NLRP12: variants seen among roughly 807,000 people sequenced by gnomAD.
NLRP12 encodes the protein NACHT, LRR and PYD domains-containing protein 12.
A neutral mutation model predicts 91.2 loss-of-function variants in NLRP12; 108 were observed. The observed-to-expected ratio is 1.18, with a 90% CI of 1.01 to 1.39. The LOEUF (loss-of-function observed/expected upper bound fraction) is 1.39. Ranked by LOEUF, NLRP12 falls within the 40% of genes most tolerant of loss-of-function variation. The pLI, the probability that NLRP12 is intolerant of heterozygous loss-of-function variation, is 0.00. For missense variants in NLRP12, 1,530 were observed against 1,352.7 expected, an observed-to-expected ratio of 1.13 and a Z score of -2.06; for synonymous variants, 613 against 566.7, an observed-to-expected ratio of 1.08 and a Z score of -1.16.
chr19:53,806,713 C>T (rs1171887551), intron 4 of NLRP12, among the ~76,000 whole-genome samples: 1 of 134,042 alleles, frequency 7.5e-6, no homozygotes, highest in African/African-American at 2.8e-5. Flanking sequence ...AAGAAATTAG[C>T]CGGGTGTGGT....
chr19:53,801,102 A>G lies in NLRP12; in HGVS notation c.2756+125T>C, dbSNP rs1288796771. ...CAGCTACTTGGGAGTCTCAAAAAAA[A>G]AAAAAAAAGGCTGATGTAGTAGCTA... is the stretch of plus-strand genomic sequence containing the variant. On this transcript the variant is annotated intron_variant, in intron 7 of 9. Coordinates refer to ENST00000324134, the MANE Select transcript of NLRP12 (RefSeq NM_144687.4). 4.5e-6 allele frequency: 4 copies of G among 889,028 alleles called. No individual in the cohort carries two copies. In the Admixed American group the frequency reaches 1.0e-4, roughly 22 times the overall value. 55.1% of individuals were successfully genotyped at this position (889,028 alleles called of 1,614,324 possible).
rs777101095 is a variant in NLRP12 at position 53,807,654 on chromosome 19, G to C, written c.2084C>G (p.Thr695Ser). Residue 695 changes from threonine (T) to serine (S), a missense_variant, in exon 4 of 10, where the codon ACC becomes AGC. Transcript: ENST00000324134. ...HTLLVQLPER[T>S]VLLDAYSEHL... ...TTCACTGTAGGCGTCCAGCAGAACGGTCCTCTCTGGTCTGCTTGAAGGAAA... is the reference window on the plus strand; with the variant it reads ...TTCACTGTAGGCGTCCAGCAGAACGCTCCTCTCTGGTCTGCTTGAAGGAAA... The C allele has an allele frequency of 1.2e-6, 2 of 1,614,144 alleles. No individual in the cohort carries two copies. The highest frequency in any genetic ancestry group is 1.6e-4 in the Middle Eastern group (1 of 6,062).
At chr19:53,804,363 TTTTG>T (rs550344638) in intron 5 of NLRP12, among the ~76,000 whole-genome samples, 126 of 151,218 alleles carry the variant, frequency 8.3e-4, no homozygotes, top group African/African-American at 8.5e-4. Flanking sequence ...GCCTAATTTT[TTTTG>T]TTTGTTTGTT....
At position 53,819,664 on chromosome 19, in the gene NLRP12, TATAC is replaced by T. The variant is rs1162619506; in HGVS notation, c.289+4218_289+4221del. On this transcript the variant is annotated intron_variant, in intron 1 of 9. Transcript: ENST00000324134. ...ATGTATACGTATATATATACACATGTATACATATATGTATGTATACATATATATA... is the reference window on the plus strand; with the variant it reads ...ATGTATACGTATATATATACACATGTATATATGTATGTATACATATATATA... Among the ~76,000 whole-genome samples, 275 of 32,908 alleles carry T rather than the reference TATAC, an allele frequency of 8.4e-3. 26 individuals carry two copies. The highest frequency in any genetic ancestry group is 0.024 in the African/African-American group (259 of 10,804). The allele number at this position is 32,908 out of a possible 152,430, so 21.6% of individuals were successfully genotyped here.
chr19:53,805,473 G>T, intron 4 of NLRP12, 23 bp from the exon 5 acceptor site: 2 of 1,612,544 alleles, frequency 1.2e-6, no homozygotes, highest in Non-Finnish European at 1.7e-6. Context: ...AGAGGAGAAA[G>T]GAGCTGGTCA....
At chr19:53,801,747 G>T (rs927498079) in intron 6 of NLRP12, among the ~76,000 whole-genome samples, 1 of 151,734 alleles carries the variant, frequency 6.6e-6, no homozygotes, top group Non-Finnish European at 1.5e-5. Context: ...GAGCCACTGC[G>T]CCTAGGCCCC....
intron 3 of NLRP12, chr19:53,807,875 A>G: frequency 1.8e-6 from 1 of 550,130 alleles, no homozygotes; most frequent in Non-Finnish European, 3.4e-6. Context: ...CTCAGCCTCC[A>G]GAGTAGCTGG....
chr19:53,819,596 T>C lies in NLRP12; in HGVS notation c.289+4290A>G, dbSNP rs368930597. 2.6e-3 allele frequency among the ~76,000 whole-genome samples: 138 copies of C among 52,320 alleles called. 21 individuals are homozygous for C. Among genetic ancestry groups the C allele is most frequent in the Middle Eastern group, 8.8e-3 (1 of 114 alleles). The allele number at this position is 52,320 out of a possible 152,430, so 34.3% of individuals were successfully genotyped here. A position where few individuals can be genotyped will look rare whatever the true frequency, so the allele number is the denominator to read the frequency against. On this transcript the variant is annotated intron_variant, in intron 1 of 9. Coordinates refer to ENST00000324134, the MANE Select transcript of NLRP12 (RefSeq NM_144687.4). ...GCGTATATATGTATGTATACGTATATACGCATATATATGTATGTATACGTA... is the reference window on the plus strand; with the variant it reads ...GCGTATATATGTATGTATACGTATACACGCATATATATGTATGTATACGTA...
chr19:53,794,836 T>G (rs2122491638), intron 9 of NLRP12, among the ~76,000 whole-genome samples: 1 of 151,938 alleles, frequency 6.6e-6, no homozygotes, highest in African/African-American at 2.4e-5. Flanking sequence ...CTGGCTAATT[T>G]TTGCATAGAG....
chr19:53,801,452 T>TTC lies in NLRP12; in HGVS notation c.2586-56_2586-55insGA, dbSNP rs2091872287. Reference sequence around the variant, plus strand: ...TGGAGGCTTTCCTTTCTTTTTCTTTTTTTTTTTTTTTTTTTTTGAGACAGA... The same window carrying TTC: ...TGGAGGCTTTCCTTTCTTTTTCTTTTTCTTTTTTTTTTTTTTTTTGAGACAGA... On this transcript the variant is annotated intron_variant, in intron 6 of 9. Coordinates refer to ENST00000324134, the MANE Select transcript of NLRP12 (RefSeq NM_144687.4). The TTC allele has an allele frequency of 1.3e-5, 16 of 1,267,534 alleles. No homozygotes were observed. The East Asian group carries it at 2.3e-4, about 18-fold the overall frequency. The allele number at this position is 1,267,534 out of a possible 1,614,324, so 78.5% of individuals were successfully genotyped here.
At chr19:53,814,162 C>T (rs1247426584) in intron 2 of NLRP12, among the ~76,000 whole-genome samples, 5 of 152,132 alleles carry the variant, frequency 3.3e-5, no homozygotes, top group Admixed American at 1.3e-4. Flanking sequence ...ATTCATGACT[C>T]GAGTGAGTGG....
At chr19:53,812,877 A>G (rs78396949) in intron 2 of NLRP12, among the ~76,000 whole-genome samples, 1,606 of 127,250 alleles carry the variant, frequency 0.013, 27 homozygotes, top group African/African-American at 0.043. Flanking sequence ...AATCATCAAT[A>G]TCTCTTTTTT....
intron 9 of NLRP12, among the ~76,000 whole-genome samples, chr19:53,794,368 G>A (rs1431620642): frequency 6.6e-6 from 1 of 150,990 alleles, no homozygotes; most frequent in African/African-American, 2.4e-5. Context: ...CACCCAGGCT[G>A]GAGTGCAGTG....
chr19:53,796,472 C>G (rs994838881), intron 8 of NLRP12, among the ~76,000 whole-genome samples: 8 of 151,916 alleles, frequency 5.3e-5, no homozygotes, highest in African/African-American at 1.9e-4. Flanking sequence ...TGGTCTCAAT[C>G]TCTTGACCTC....
At chr19:53,795,434 G>C (rs1296364363) in intron 9 of NLRP12, among the ~76,000 whole-genome samples, 1 of 151,754 alleles carries the variant, frequency 6.6e-6, no homozygotes, top group Non-Finnish European at 1.5e-5. Context: ...GAGTGCAGTG[G>C]TGTGATCTTG....
At chr19:53,804,401 GTTT>G (rs71189877) in intron 5 of NLRP12, among the ~76,000 whole-genome samples, 6 of 71,624 alleles carry the variant, frequency 8.4e-5, no homozygotes, top group Middle Eastern at 0.015. Context: ...GGGTTTTTTT[GTTT>G]TTTTTTTTTT....
chr19:53,819,305 C>G (rs1305421481), intron 1 of NLRP12, among the ~76,000 whole-genome samples: 1 of 149,122 alleles, frequency 6.7e-6, no homozygotes, highest in African/African-American at 2.5e-5. Context: ...AGTGCAGTGG[C>G]GTGATCTCGG....
At chr19:53,806,513 C>G (rs12979909) in intron 4 of NLRP12, among the ~76,000 whole-genome samples, 1 of 151,410 alleles carries the variant, frequency 6.6e-6, no homozygotes, top group Non-Finnish European at 1.5e-5. Flanking sequence ...AACCCCGTCT[C>G]TACTAAAAAT....
In NLRP12 at chr19:53,807,171, G is replaced by A. The variant is rs943877297; in HGVS notation, c.2243+324C>T. Among the ~76,000 whole-genome samples the A allele has an allele frequency of 2.6e-5, 4 of 151,774 alleles. No individual in the cohort carries two copies. In the South Asian group the frequency reaches 6.2e-4, roughly 24 times the overall value. On this transcript the variant is annotated intron_variant, in intron 4 of 9. Coordinates refer to ENST00000324134, the MANE Select transcript of NLRP12 (RefSeq NM_144687.4). ...CAACCTCCGCCTCCCAGGTTCAAGC[G>A]ATTCTCCTGCCTCAGCCTCCCAAGC...
Sources: gnomAD v4.1 joint callset for allele counts (sites outside exome capture counted in the v4.1 genomes callset) on GRCh38, gnomAD v4.1.1 for gene constraint, MANE v1.5 for transcripts, NCBI Gene and HGNC (gene_info 2026-07-23, HGNC 2026-07-21) for gene names.